Variants in CCDC180 observed in about 807,000 individuals in gnomAD.
The protein encoded by CCDC180 is coiled-coil domain containing 180.
CCDC180 carries 154 observed loss-of-function variants against 209.2 expected under a neutral mutation model. That is an observed-to-expected ratio of 0.74 (90% confidence interval 0.65 to 0.84). The LOEUF (loss-of-function observed/expected upper bound fraction) is 0.84. Among genes scored for constraint, CCDC180 ranks in the 40% least tolerant of loss-of-function variants. CCDC180 has a pLI of 0.00. For synonymous variants in CCDC180, 778 were observed against 749.1 expected, an observed-to-expected ratio of 1.04 and a Z score of -0.63; for missense variants, 1,874 against 1,997.3, an observed-to-expected ratio of 0.94 and a Z score of 1.18.
intron 19 of CCDC180, 195 bp downstream of exon 19, chr9:97,343,758 T>G: frequency 1.8e-5 from 10 of 569,542 alleles, no homozygotes; most frequent in Admixed American, 3.1e-5. Flanking sequence ...CACAGATATC[T>G]TCTGTGAGAG....
At chr9:97,333,050 A>G (rs1051307307) in intron 18 of CCDC180, among the ~76,000 whole-genome samples, 1 of 152,050 alleles carries the variant, frequency 6.6e-6, no homozygotes, top group Non-Finnish European at 1.5e-5. Flanking sequence ...TTCAATGCCT[A>G]GTTTGTTGAG....
At chr9:97,368,116 C>T (rs978533523) in intron 31 of CCDC180, among the ~76,000 whole-genome samples, 3 of 152,194 alleles carry the variant, frequency 2.0e-5, no homozygotes, top group Non-Finnish European at 4.4e-5. Context: ...TGCAGCTTGG[C>T]AGGCTAATGG....
At chr9:97,311,898 C>T (rs905979595) in intron 3 of CCDC180, among the ~76,000 whole-genome samples, 3 of 152,156 alleles carry the variant, frequency 2.0e-5, no homozygotes, top group African/African-American at 7.2e-5. Flanking sequence ...AACCTCTCAC[C>T]TAGGGACCCA....
intron 29 of CCDC180, chr9:97,365,461 A>G (rs1224135751): frequency 3.8e-6 from 2 of 527,084 alleles, no homozygotes; most frequent in South Asian, 4.8e-5. Context: ...GGTCTGAGGA[A>G]GGGCAGGAAC....
chr9:97,328,254 G>A, intron 16 of CCDC180, 108 bp downstream of exon 16: 2 of 1,277,834 alleles, frequency 1.6e-6, no homozygotes, highest in Admixed American at 2.4e-5. Context: ...TAATGCTGCA[G>A]AGTTCAAATC....
rs772940731 is a variant in CCDC180, at chr9:97,314,849, A to G, written c.700-2A>G. The G allele has an allele frequency of 1.5e-4, 249 of 1,613,236 alleles. No homozygotes were observed. The highest frequency in any genetic ancestry group is 1.9e-4 in the Non-Finnish European group (226 of 1,179,322). On this transcript the variant is annotated splice_acceptor_variant, in intron 7 of 36. Transcript: ENST00000529487. LOFTEE classifies it high-confidence loss of function. ...CTAAGTATGGTGCCTTGTCATTTCT[A>G]GCTAAAAAGCGTGTTGAAGAAATAT... is the stretch of plus-strand genomic sequence containing the variant.
At chr9:97,375,690 G>A (rs1260961255) in intron 36 of CCDC180, 101 bp downstream of exon 36, 2 of 1,473,680 alleles carry the variant, frequency 1.4e-6, no homozygotes, top group Non-Finnish European at 1.9e-6. Context: ...CATTTGGCTG[G>A]TGCAGCAGGC....
intron 29 of CCDC180, 23 bp from the exon 30 acceptor site, chr9:97,365,650 G>T: frequency 1.9e-6 from 3 of 1,611,046 alleles, no homozygotes; most frequent in Non-Finnish European, 2.5e-6. Context: ...GCCCCTCAGG[G>T]ATCTGTCTCG....
chr9:97,307,924 A>G (rs1182824455), intron 1 of CCDC180, 59 bp from the exon 2 acceptor site: 4 of 1,580,650 alleles, frequency 2.5e-6, no homozygotes, highest in Non-Finnish European at 3.4e-6. Flanking sequence ...CCTCGAGGCC[A>G]GACGTCGTCC....
chr9:97,319,497 C>T (rs1370208761), intron 10 of CCDC180, among the ~76,000 whole-genome samples: 1 of 152,148 alleles, frequency 6.6e-6, no homozygotes, highest in Non-Finnish European at 1.5e-5. Flanking sequence ...ACCCTCCACC[C>T]TCAAGTAGGC....
chr9:97,349,086 C>T, intron 20 of CCDC180, 25 bp from the exon 21 acceptor site: 1 of 1,528,130 alleles, frequency 6.5e-7, no homozygotes, highest in Non-Finnish European at 8.8e-7. Context: ...TCCCCGGGGC[C>T]CCAGCTCTCT....
Position 97,330,686 on chromosome 9 carries a change from A to AGAGGAGGAG in CCDC180, c.2200_2208dup (p.Glu734_Glu736dup), listed in dbSNP as rs113264216. Reference sequence around the variant, plus strand: ...CAGAGGAGGAAGATGAGAAGGAGGAAGAGGAGGAGGAGGAGAAGCTGGAGG... The same window carrying AGAGGAGGAG: ...CAGAGGAGGAAGATGAGAAGGAGGAAGAGGAGGAGGAGGAGGAGGAGGAGAAGCTGGAGG... On this transcript the variant is annotated inframe_insertion, in exon 18 of 37. Transcript: ENST00000529487. 6.2e-5 allele frequency: 98 copies of AGAGGAGGAG among 1,586,334 alleles called. No homozygotes were observed. Among genetic ancestry groups the AGAGGAGGAG allele is most frequent in the African/African-American group, 6.8e-5 (5 of 73,238 alleles).
chr9:97,341,439 C>A (rs973498384), intron 18 of CCDC180, among the ~76,000 whole-genome samples: 7 of 152,218 alleles, frequency 4.6e-5, no homozygotes, highest in Non-Finnish European at 8.8e-5. Context: ...GGTCCCTCAG[C>A]TGCAGGTCTG....
intron 18 of CCDC180, among the ~76,000 whole-genome samples, chr9:97,336,689 A>G (rs1178309202): frequency 6.6e-6 from 1 of 152,108 alleles, no homozygotes; most frequent in Non-Finnish European, 1.5e-5. Context: ...GTTTTTTCCA[A>G]TTCTGTGAAG....
Position 97,366,209 on chromosome 9 carries a change from G to C in CCDC180, c.4048-350G>C, listed in dbSNP as rs150273403. The stretch of plus-strand genomic sequence containing the variant: ...TCAGGGCAGGGTCCCTGGCTCGCCC[G>C]TCTTTGTGGCCTGCAGCCTATACCC... On this transcript the variant is annotated intron_variant, in intron 30 of 36. Coordinates refer to ENST00000529487, the MANE Select transcript of CCDC180 (RefSeq NM_020893.6). The surrounding 1 kb of genome is among the most constrained non-coding windows in gnomAD (Gnocchi z 4.3). Among the ~76,000 whole-genome samples, 1 of 152,238 alleles carries C rather than the reference G, an allele frequency of 6.6e-6. No homozygotes were observed. Among genetic ancestry groups the C allele is most frequent in the Admixed American group, 6.5e-5 (1 of 15,290 alleles).
intron 26 of CCDC180, among the ~76,000 whole-genome samples, chr9:97,360,424 C>T (rs911924577): frequency 3.9e-5 from 6 of 152,130 alleles, no homozygotes; most frequent in Non-Finnish European, 2.9e-5. Flanking sequence ...TCCTTCCCAC[C>T]TGCACCCAGG....
In CCDC180 at chr9:97,309,431, C is replaced by A. The variant is rs778182900; in HGVS notation, c.87C>A (p.Ser29=). ...GGATTCAGGTGCAGCTGGTCCACTC[C>A]CTGGCGGCCACCAGGAAGCGGGCTG... is the stretch of plus-strand genomic sequence containing the variant. ...IFQAEVQLVH[S]LAATRKRAAE... is the part of the protein sequence containing the mutation. Residue 29 remains serine (S), a synonymous_variant, in exon 3 of 37, where the codon TCC becomes TCA. Coordinates refer to ENST00000529487, the MANE Select transcript of CCDC180 (RefSeq NM_020893.6). 1 of 1,600,984 alleles carries A rather than the reference C, an allele frequency of 6.2e-7. No homozygotes were observed. The highest frequency in any genetic ancestry group is 1.3e-5 in the African/African-American group (1 of 74,250).
At position 97,362,325 on chromosome 9, in the gene CCDC180, T is replaced by C. The variant is rs774805943; in HGVS notation, c.3786T>C (p.Pro1262=). The change falls in exon 28 of 37, where the codon CCT becomes CCC. Residue 1262 remains proline (P), a synonymous_variant. Coordinates refer to ENST00000529487, the MANE Select transcript of CCDC180 (RefSeq NM_020893.6). ...CTGGTGGTGCTGTGTGCTCACCTCC[T>C]GTCCTCTGCTCCTGTCCTGGGCCCT... The part of the protein sequence containing the change: ...AGAGGAVCSP[P]VLCSCPGPSS... The C allele has an allele frequency of 6.2e-7, 1 of 1,614,098 alleles. No homozygotes were observed. The highest frequency in any genetic ancestry group is 2.2e-5 in the East Asian group (1 of 44,864).
chr9:97,330,066 C>CAAAAA (rs34372293), intron 16 of CCDC180, 88 bp from the exon 17 acceptor site: 40 of 581,984 alleles, frequency 6.9e-5, no homozygotes, highest in African/African-American at 1.6e-4. Flanking sequence ...AGACTCCTCT[C>CAAAAA]AAAAAAAAAA....
Sources: allele counts gnomAD v4.1 joint callset (sites outside exome capture counted in the v4.1 genomes callset), GRCh38; gene constraint gnomAD v4.1.1; non-coding constraint Gnocchi (gnomAD v3.1); transcripts MANE v1.5; gene names NCBI Gene and HGNC (gene_info 2026-07-23, HGNC 2026-07-21).